The following MYO9B variants were observed in gnomAD, a reference collection of about 807,000 sequenced individuals.
MYO9B encodes the protein myosin IXB, also known as unconventional myosin-IXb.
A neutral mutation model predicts 229.5 loss-of-function variants in MYO9B; 71 were observed. The ratio of observed to expected loss-of-function variants is 0.31; its 90% confidence interval spans 0.26 to 0.38. The LOEUF (loss-of-function observed/expected upper bound fraction) is 0.38, where lower values mean the gene tolerates loss of function less well. MYO9B is among the 10% of genes least tolerant of loss of function. MYO9B has a pLI of 1.00. For synonymous variants in MYO9B, 1,185 were observed against 1,235.8 expected (o/e 0.96, Z 0.86); for missense variants, 2,255 against 2,920.5 (o/e 0.77, Z 5.25).
At chr19:17,154,477 A>G (rs1440713855) in intron 6 of MYO9B, 62 bp downstream of exon 6, 7 of 1,309,524 alleles carry the variant, frequency 5.3e-6, no homozygotes, top group Non-Finnish European at 7.5e-6. Context: ...CATGGCCCTT[A>G]CCAGTCACTC....
intron 2 of MYO9B, among the ~76,000 whole-genome samples, chr19:17,120,773 G>A (rs1599343842): frequency 6.6e-6 from 1 of 152,092 alleles, no homozygotes; most frequent in African/African-American, 2.4e-5. Context: ...GCAGCTCTTG[G>A]AGTATATGTT....
chr19:17,175,603 A>T, intron 13 of MYO9B, 60 bp from the exon 14 acceptor site: 3 of 1,319,844 alleles, frequency 2.3e-6, no homozygotes, highest in Non-Finnish European at 3.1e-6. Context: ...AATGGGTTAA[A>T]ATAATTGCAG....
At chr19:17,107,195 C>G (rs559627986) in intron 2 of MYO9B, among the ~76,000 whole-genome samples, 1 of 152,046 alleles carries the variant, frequency 6.6e-6, no homozygotes, top group South Asian at 2.1e-4. Flanking sequence ...TGATCACACA[C>G]TGCACTCCAG....
At chr19:17,194,496 A>G in intron 21 of MYO9B, 60 bp from the exon 22 acceptor site, 3 of 1,557,634 alleles carry the variant, frequency 1.9e-6, no homozygotes, top group Non-Finnish European at 2.6e-6. Flanking sequence ...ATCGGAACTC[A>G]GTGGGAGGTG....
intron 28 of MYO9B, among the ~76,000 whole-genome samples, 191 bp downstream of exon 28, chr19:17,202,494 TATGCCACACCCACCTGAC>T (rs1421820361): frequency 2.0e-5 from 3 of 150,812 alleles, no homozygotes; most frequent in Non-Finnish European, 4.4e-5. Flanking sequence ...CATGATCACT[TATGCCACACCCACCTGAC>T]ATGCCACACC....
rs971355953 is a variant in MYO9B at position 17,101,913 on chromosome 19, G to A, written c.196G>A (p.Val66Met). The change falls in exon 2 of 40, where the codon GTG becomes ATG. Residue 66 changes from valine (V) to methionine (M), a missense_variant. Transcript: ENST00000682292. This position sits in a 1 kb window ranked among gnomAD's most constrained non-coding sequence, Gnocchi z 4.7. ...GGACGGCACCAAATGTTATGTGCTG[G>A]TGGAGGTCAAAGAGTCGGGAGGCGA... is the stretch of plus-strand genomic sequence containing the variant. ...RLDGTKCYVL[V>M]EVKESGGEEW... 1.2e-6 allele frequency: 2 copies of A among 1,613,552 alleles called. No homozygotes were observed. The highest frequency in any genetic ancestry group is 2.7e-5 in the African/African-American group (2 of 74,942).
At position 17,206,798 on chromosome 19, in the gene MYO9B, C is replaced by G; in HGVS notation, c.5492+14C>G. The G allele has an allele frequency of 2.6e-6, 4 of 1,555,670 alleles. No individual in the cohort carries two copies. The highest frequency in any genetic ancestry group is 3.5e-6 in the Non-Finnish European group (4 of 1,144,810). On this transcript the variant is annotated intron_variant, in intron 34 of 39. Transcript: ENST00000682292. The stretch of plus-strand genomic sequence containing the variant: ...CCACCTTGTCAAGCAAGTGCCTCCC[C>G]ACCTGCCCTCTGTGGGGTTAGGGTC...
Position 17,178,788 on chromosome 19 carries a change from T to G in MYO9B, c.2220-2139T>G, listed in dbSNP as rs965861703. ...TGGCTCACCCCTGTAATCCCAGCAC[T>G]TGGGGGAGGCATACGTGGGCAGGTC... is the stretch of plus-strand genomic sequence containing the variant. On this transcript the variant is annotated intron_variant, in intron 14 of 39. Transcript: ENST00000682292. Among the ~76,000 whole-genome samples the G allele has an allele frequency of 1.3e-4, 19 of 151,928 alleles. 1 individual carries two copies. The highest frequency in any genetic ancestry group is 4.4e-5 in the Non-Finnish European group (3 of 67,986).
At chr19:17,135,333 G>T (rs2072255651) in intron 2 of MYO9B, among the ~76,000 whole-genome samples, 2 of 152,134 alleles carry the variant, frequency 1.3e-5, no homozygotes, top group Non-Finnish European at 2.9e-5. Flanking sequence ...AGCGCTGTGG[G>T]TTTTATAGCC....
At chr19:17,127,173 G>A (rs1416809658) in intron 2 of MYO9B, among the ~76,000 whole-genome samples, 6 of 145,292 alleles carry the variant, frequency 4.1e-5, no homozygotes, top group African/African-American at 1.0e-4. Flanking sequence ...CACCACGCCC[G>A]GCTAATTTCA....
intron 2 of MYO9B, among the ~76,000 whole-genome samples, chr19:17,111,199 G>T (rs944213560): frequency 6.6e-6 from 1 of 152,134 alleles, no homozygotes; most frequent in Non-Finnish European, 1.5e-5. Context: ...ACCACATCCT[G>T]ATGTGGGCAG....
At chr19:17,087,960 C>G (rs1400903757) in intron 1 of MYO9B, among the ~76,000 whole-genome samples, 1 of 149,314 alleles carries the variant, frequency 6.7e-6, no homozygotes, top group East Asian at 2.0e-4. Flanking sequence ...ATTAGCCAGG[C>G]GTGGTGGTGG....
At chr19:17,093,468 C>A (rs930402141) in intron 1 of MYO9B, among the ~76,000 whole-genome samples, 2 of 152,186 alleles carry the variant, frequency 1.3e-5, no homozygotes, top group Non-Finnish European at 2.9e-5. Context: ...GATTAACTCT[C>A]GTGGCGTCCT....
chr19:17,086,766 G>C (rs1201024162), intron 1 of MYO9B, among the ~76,000 whole-genome samples: 3 of 152,098 alleles, frequency 2.0e-5, no homozygotes, highest in Non-Finnish European at 4.4e-5. Flanking sequence ...TGTTGTCCCA[G>C]CTACTCGGGA....
rs551913507 is a variant in MYO9B, at chr19:17,201,785, G to T, written c.4564-141G>T. On this transcript the variant is annotated intron_variant, in intron 26 of 39. Transcript: ENST00000682292. The stretch of plus-strand genomic sequence containing the variant: ...CTGGGTTGACAAGATGAGAGACCAG[G>T]CTTGGCCAGAGGGACTGGATTTTAT... 184 of 648,756 alleles carry T rather than the reference G, an allele frequency of 2.8e-4. No homozygotes were observed. In the African/African-American group the frequency reaches 3.0e-3, roughly 11 times the overall value. The allele number at this position is 648,756 out of a possible 1,614,324, so 40.2% of individuals were successfully genotyped here. A position where few individuals can be genotyped will look rare whatever the true frequency, so the allele number is the denominator to read the frequency against.
intron 13 of MYO9B, among the ~76,000 whole-genome samples, chr19:17,174,120 C>T (rs181653048): frequency 0.062 from 9,420 of 150,840 alleles, 382 homozygotes; most frequent in Non-Finnish European, 0.094. Flanking sequence ...GGCCCCGCCT[C>T]CCGGGTTCAC....
chr19:17,103,520 C>T (rs2057765565), intron 2 of MYO9B: 1 of 152,328 alleles, frequency 6.6e-6, no homozygotes, highest in South Asian at 2.1e-4. Context: ...GGCTCTGGGG[C>T]ATAGGGGCTG....
At chr19:17,132,910 TG>T (rs2072219974) in intron 2 of MYO9B, among the ~76,000 whole-genome samples, 1 of 139,888 alleles carries the variant, frequency 7.1e-6, no homozygotes, top group Non-Finnish European at 1.6e-5. Flanking sequence ...TGCAGTGGCA[TG>T]ATCTCGGCTC....
At chr19:17,143,193 C>G (rs907430672) in intron 2 of MYO9B, among the ~76,000 whole-genome samples, 2 of 151,672 alleles carry the variant, frequency 1.3e-5, no homozygotes, top group Non-Finnish European at 2.9e-5. Flanking sequence ...GAGCTGAGAT[C>G]GTGCCATTGT....
Sources: allele counts gnomAD v4.1 joint callset (sites outside exome capture counted in the v4.1 genomes callset), GRCh38; gene constraint gnomAD v4.1.1; non-coding constraint Gnocchi (gnomAD v3.1); transcripts MANE v1.5; gene names NCBI Gene and HGNC (gene_info 2026-07-23, HGNC 2026-07-21).